METTL25: variants seen among roughly 807,000 people sequenced by gnomAD.
METTL25 encodes the protein probable methyltransferase-like protein 25.
In METTL25, 64 loss-of-function variants were observed where a neutral mutation model predicts 71.6. The observed-to-expected ratio is 0.89, with a 90% CI of 0.73 to 1.10. The LOEUF (loss-of-function observed/expected upper bound fraction) is 1.10. METTL25 is among the 50% of genes least tolerant of loss of function. METTL25 has a pLI of 0.00. For missense variants in METTL25, 807 were observed against 707.0 expected (o/e 1.14, Z -1.60); for synonymous variants, 287 against 250.3 (o/e 1.15, Z -1.38).
At chr12:82,380,546 TGAAATA>T (rs1394639206) in intron 1 of METTL25, among the ~76,000 whole-genome samples, 1 of 152,206 alleles carries the variant, frequency 6.6e-6, no homozygotes, top group Non-Finnish European at 1.5e-5. Context: ...AACAACCCTA[TGAAATA>T]GATATTGTTC....
chr12:82,473,235 G>A (rs1244054443), intron 9 of METTL25, among the ~76,000 whole-genome samples: 2 of 152,128 alleles, frequency 1.3e-5, no homozygotes, highest in Non-Finnish European at 2.9e-5. Context: ...GCTTGGAGCT[G>A]GCACTGGGGT....
chr12:82,398,458 A>G (rs1886276493), intron 3 of METTL25, among the ~76,000 whole-genome samples: 1 of 152,024 alleles, frequency 6.6e-6, no homozygotes, highest in South Asian at 2.1e-4. Flanking sequence ...GCCCTGACAC[A>G]TTGCTAAATT....
intron 8 of METTL25, among the ~76,000 whole-genome samples, chr12:82,443,306 G>C (rs972433737): frequency 6.6e-6 from 1 of 151,830 alleles, no homozygotes; most frequent in African/African-American, 2.4e-5. Context: ...GAGTGAAGGA[G>C]GGAAGCAGAA....
At chr12:82,406,624 C>T (rs1389253098) in intron 5 of METTL25, among the ~76,000 whole-genome samples, 1 of 152,074 alleles carries the variant, frequency 6.6e-6, no homozygotes, top group Non-Finnish European at 1.5e-5. Context: ...ATTTAGTGAA[C>T]TGTTGAGCAG....
intron 5 of METTL25, among the ~76,000 whole-genome samples, chr12:82,425,311 T>G (rs1236643511): frequency 1.3e-5 from 2 of 152,070 alleles, no homozygotes; most frequent in East Asian, 3.9e-4. Flanking sequence ...ATACATGTGT[T>G]TAACCACTGC....
intron 5 of METTL25, among the ~76,000 whole-genome samples, chr12:82,411,700 G>C (rs186560447): frequency 6.6e-6 from 1 of 152,086 alleles, no homozygotes; most frequent in Admixed American, 6.6e-5. Context: ...TCTTAGCAAA[G>C]ATAAGAAACA....
chr12:82,430,962 G>GT lies in METTL25; in HGVS notation c.1350dup (p.Asn451Ter), dbSNP rs778367868. The GT allele has an allele frequency of 3.8e-6, 6 of 1,597,422 alleles. No individual in the cohort carries two copies. Among genetic ancestry groups the GT allele is most frequent in the Non-Finnish European group, 5.1e-6 (6 of 1,169,630 alleles). ...AAGGAAGAGAGATGGTGCTGTGGTC[G>GT]TAATGCCAGAATGTCAGCATGTTTG... is the stretch of plus-strand genomic sequence containing the variant. On this transcript the variant is annotated frameshift_variant, in exon 6 of 12. Coordinates refer to ENST00000248306, the MANE Select transcript of METTL25 (RefSeq NM_032230.3). LOFTEE classifies it high-confidence loss of function.
intron 5 of METTL25, among the ~76,000 whole-genome samples, chr12:82,422,595 G>A (rs577528387): frequency 1.1e-3 from 167 of 152,252 alleles, no homozygotes; most frequent in African/African-American, 3.4e-3. Flanking sequence ...AGGAAAAGAG[G>A]AAGTCAAATT....
At chr12:82,363,593 T>C (rs150088504) in intron 1 of METTL25, among the ~76,000 whole-genome samples, 1 of 152,256 alleles carries the variant, frequency 6.6e-6, no homozygotes, top group East Asian at 1.9e-4. Flanking sequence ...GGGATAGTTT[T>C]CACAGTTTGA....
chr12:82,427,634 C>T (rs1165010135), intron 5 of METTL25, among the ~76,000 whole-genome samples: 1 of 151,862 alleles, frequency 6.6e-6, no homozygotes, highest in African/African-American at 2.4e-5. Context: ...TTATGGCATG[C>T]TTCTTTATTA....
At chr12:82,367,117 C>A (rs944714193) in intron 1 of METTL25, among the ~76,000 whole-genome samples, 4 of 152,090 alleles carry the variant, frequency 2.6e-5, no homozygotes, top group Non-Finnish European at 5.9e-5. Flanking sequence ...TTTCCCCTTT[C>A]CCCATATCTT....
chr12:82,451,553 A>T (rs546580355), intron 8 of METTL25, among the ~76,000 whole-genome samples: 116 of 152,296 alleles, frequency 7.6e-4, no homozygotes, highest in African/African-American at 2.7e-3. Flanking sequence ...TTATTATTAG[A>T]AGAAATCTCT....
chr12:82,377,798 T>C (rs1204596664), intron 1 of METTL25, among the ~76,000 whole-genome samples: 1 of 152,182 alleles, frequency 6.6e-6, no homozygotes, highest in Non-Finnish European at 1.5e-5. Context: ...TCCCATTTAA[T>C]AGCTAATTTA....
chr12:82,421,401 G>A (rs1412208226), intron 5 of METTL25, among the ~76,000 whole-genome samples: 1 of 152,114 alleles, frequency 6.6e-6, no homozygotes, highest in Non-Finnish European at 1.5e-5. Context: ...TTTTTGACTT[G>A]TGTAAATTAA....
At chr12:82,367,263 T>C (rs1882673900) in intron 1 of METTL25, among the ~76,000 whole-genome samples, 1 of 152,228 alleles carries the variant, frequency 6.6e-6, no homozygotes, top group Non-Finnish European at 1.5e-5. Flanking sequence ...TCTATTCGTT[T>C]GGATTTTTAA....
At chr12:82,359,281 C>A (rs182550577) in intron 1 of METTL25, among the ~76,000 whole-genome samples, 1 of 106,648 alleles carries the variant, frequency 9.4e-6, no homozygotes, top group African/African-American at 3.8e-5. Flanking sequence ...TTTAGGAGGT[C>A]AGGAACATGA....
intron 9 of METTL25, among the ~76,000 whole-genome samples, chr12:82,457,820 T>C (rs1432942934): frequency 6.6e-6 from 1 of 152,132 alleles, no homozygotes; most frequent in Non-Finnish European, 1.5e-5. Context: ...TCTCCTAGTT[T>C]TTGCATAAAT....
At chr12:82,404,154 C>T (rs1306620125) in intron 5 of METTL25, among the ~76,000 whole-genome samples, 2 of 151,890 alleles carry the variant, frequency 1.3e-5, no homozygotes, top group African/African-American at 4.8e-5. Flanking sequence ...TATTTTATGT[C>T]AGTGTTTTGA....
intron 9 of METTL25, among the ~76,000 whole-genome samples, chr12:82,475,464 C>T (rs1398359397): frequency 2.0e-5 from 3 of 151,664 alleles, no homozygotes; most frequent in Non-Finnish European, 1.5e-5. Context: ...TTTCCACTAC[C>T]CTTTATAGTT....
Sources: allele counts gnomAD v4.1 joint callset (sites outside exome capture counted in the v4.1 genomes callset), GRCh38; gene constraint gnomAD v4.1.1; transcripts MANE v1.5; gene names NCBI Gene and HGNC (gene_info 2026-07-23, HGNC 2026-07-21).